ACAA2: variants seen among roughly 807,000 people sequenced by gnomAD.
The protein encoded by ACAA2 is 3-ketoacyl-CoA thiolase, mitochondrial.
Under a neutral mutation model 44.8 loss-of-function variants are expected in ACAA2, and 35 were observed. The observed-to-expected ratio is 0.78, with a 90% CI of 0.60 to 1.04. ACAA2 has a LOEUF of 1.04. Ranked by LOEUF, ACAA2 falls within the 50% of genes least tolerant of loss-of-function variation. The pLI is 0.00. For missense variants in ACAA2, 468 were observed against 482.6 expected (o/e 0.97, Z 0.28); for synonymous variants, 142 against 166.5 (o/e 0.85, Z 1.13).
rs767780075 is a variant in ACAA2, at chr18:49,813,498, T to TC, written c.-15dup. 1.1e-5 allele frequency: 14 copies of TC among 1,240,644 alleles called. No homozygotes were observed. In the South Asian group the frequency reaches 4.5e-4, roughly 40 times the overall value. The allele number at this position is 1,240,644 out of a possible 1,614,324, so 76.9% of individuals were successfully genotyped here. A position where few individuals can be genotyped will look rare whatever the true frequency, so the allele number is the denominator to read the frequency against. On this transcript the variant is annotated 5_prime_UTR_variant, in exon 1 of 10. Coordinates refer to ENST00000285093, the MANE Select transcript of ACAA2 (RefSeq NM_006111.3). ...GAGCAGAGCCATGGCGGCTGCTGGGTCGTCGGCGGCGCGGGTCTGTGGTGT... is the reference window on the plus strand; with the variant it reads ...GAGCAGAGCCATGGCGGCTGCTGGGTCCGTCGGCGGCGCGGGTCTGTGGTGT...
At chr18:49,784,189 T>C (rs571970718) in intron 9 of ACAA2, among the ~76,000 whole-genome samples, 4 of 151,682 alleles carry the variant, frequency 2.6e-5, no homozygotes, top group South Asian at 2.1e-4. Flanking sequence ...GATGAGTGGA[T>C]TTAGGGTTAT....
intron 7 of ACAA2, among the ~76,000 whole-genome samples, chr18:49,788,250 C>T (rs1292724372): frequency 6.6e-6 from 1 of 152,248 alleles, no homozygotes; most frequent in Middle Eastern, 3.4e-3. Context: ...AAGAATGAAA[C>T]TGCCAAAAAT....
chr18:49,792,246 T>C lies in ACAA2; in HGVS notation c.659A>G (p.Asp220Gly). The C allele has an allele frequency of 6.2e-7, 1 of 1,613,908 alleles. No individual in the cohort carries two copies. The highest frequency in any genetic ancestry group is 8.5e-7 in the Non-Finnish European group (1 of 1,179,824). ...GGTGGTTTGGGGCCGAGCATGCTCG[T>C]CTACCTGCATTGTCTGTTTTCCTTT... Reference protein sequence around the residue: ...TKKGKQTMQVDEHARPQTTLE... With the variant: ...TKKGKQTMQVGEHARPQTTLE... The change falls in exon 6 of 10, where the codon GAC (aspartate) becomes GGC (glycine). Residue 220 changes from aspartate (D) to glycine (G), a missense_variant. By Grantham distance (94) the Asp-to-Gly change is moderately conservative. Coordinates refer to ENST00000285093, the MANE Select transcript of ACAA2 (RefSeq NM_006111.3).
rs2023295837 is a variant in ACAA2, at chr18:49,783,929, C to A, written c.1112G>T (p.Arg371Leu). 6.2e-7 allele frequency: 1 copy of A among 1,613,826 alleles called. No individual in the cohort carries two copies. ...ITAHLVHELR[R>L]RGGKYAVGSA... ...TCCAACGGCATATTTTCCACCTCGACGCCTGAAAAAGAAAGCAGTGACTGA... is the reference window on the plus strand; with the variant it reads ...TCCAACGGCATATTTTCCACCTCGAAGCCTGAAAAAGAAAGCAGTGACTGA... Residue 371 changes from arginine (R) to leucine (L), a missense_variant and splice_region_variant, in exon 10 of 10, where the codon CGT (arginine) becomes CTT (leucine). Physicochemically the swap from Arg to Leu is moderately radical, Grantham distance 102 (BLOSUM62 -2). Transcript: ENST00000285093.
chr18:49,796,530 AAATG>A (rs1416503450), intron 3 of ACAA2, among the ~76,000 whole-genome samples: 1 of 152,224 alleles, frequency 6.6e-6, no homozygotes, highest in African/African-American at 2.4e-5. Context: ...GTTTGTAATA[AAATG>A]AAGACTTTTA....
intron 4 of ACAA2, 23 bp from the exon 5 acceptor site, chr18:49,794,450 T>A (rs1212132525): frequency 2.0e-6 from 3 of 1,524,102 alleles, no homozygotes; most frequent in Middle Eastern, 4.0e-4. Context: ...ATTAATAAAG[T>A]GACTTGTTAA....
intron 2 of ACAA2, among the ~76,000 whole-genome samples, chr18:49,800,334 C>T (rs1198450008): frequency 1.2e-4 from 18 of 151,584 alleles, no homozygotes; most frequent in Non-Finnish European, 2.4e-4. Flanking sequence ...CGCCTCTGCC[C>T]GGCTGCCCCT....
intron 6 of ACAA2, 41 bp downstream of exon 6, chr18:49,792,111 C>A: frequency 6.4e-7 from 1 of 1,555,500 alleles, no homozygotes; most frequent in South Asian, 1.2e-5. Context: ...TTGTTGAACA[C>A]ACCAGGAAGA....
At chr18:49,788,056 A>AAAAC (rs1450932743) in intron 7 of ACAA2, among the ~76,000 whole-genome samples, 1 of 152,242 alleles carries the variant, frequency 6.6e-6, no homozygotes, top group Non-Finnish European at 1.5e-5. Context: ...AAATTTAAAT[A>AAAAC]AAACATAACT....
At chr18:49,789,836 T>G (rs1476113850) in intron 7 of ACAA2, among the ~76,000 whole-genome samples, 7 of 151,960 alleles carry the variant, frequency 4.6e-5, no homozygotes, top group African/African-American at 1.7e-4. Flanking sequence ...ATACAAAAAT[T>G]AGCCAGGCGT....
intron 1 of ACAA2, 63 bp downstream of exon 1, chr18:49,813,406 A>AGGCCT: frequency 2.5e-6 from 3 of 1,189,988 alleles, no homozygotes; most frequent in Non-Finnish European, 3.2e-6. Flanking sequence ...CCGGAAGCGG[A>AGGCCT]GGCCTGGCCT....
intron 1 of ACAA2, among the ~76,000 whole-genome samples, chr18:49,803,908 CT>C (rs5824806): frequency 0.52 from 61,644 of 117,680 alleles, 13,908 homozygotes; most frequent in Middle Eastern, 0.67. Context: ...AATGATATTG[CT>C]TTTTTTTTTT....
chr18:49,787,279 A>G lies in ACAA2; in HGVS notation c.954+12T>C. 6.8e-7 allele frequency: 1 copy of G among 1,466,114 alleles called. No homozygotes were observed. Among genetic ancestry groups the G allele is most frequent in the Non-Finnish European group, 9.0e-7 (1 of 1,116,452 alleles). The allele number at this position is 1,466,114 out of a possible 1,614,324, so 90.8% of individuals were successfully genotyped here. On this transcript the variant is annotated intron_variant, in intron 8 of 9. Transcript: ENST00000285093. ...TGTTGTTAAAAAAAAAAAAAAAAAA[A>G]AAAACACTTACCTCTACCAAATCCA...
rs150438353 is a variant in ACAA2, at chr18:49,792,209, T to C, written c.696A>G (p.Leu232=). ...TCTTGAATACTGGAGGAAGTTTCTGTAACTGTTCCAGGGTGGTTTGGGGCC... is the reference window on the plus strand; with the variant it reads ...TCTTGAATACTGGAGGAAGTTTCTGCAACTGTTCCAGGGTGGTTTGGGGCC... The part of the protein sequence containing the change: ...HARPQTTLEQ[L]QKLPPVFKKD... Residue 232 remains leucine (L), a synonymous_variant, in exon 6 of 10, where the codon TTA becomes TTG. Coordinates refer to ENST00000285093, the MANE Select transcript of ACAA2 (RefSeq NM_006111.3). The C allele has an allele frequency of 1.5e-5, 24 of 1,614,076 alleles. No homozygotes were observed. The African/African-American group carries it at 3.2e-4, about 22-fold the overall frequency.
At chr18:49,809,706 G>A (rs1016809455) in intron 1 of ACAA2, among the ~76,000 whole-genome samples, 1 of 152,228 alleles carries the variant, frequency 6.6e-6, no homozygotes, top group Non-Finnish European at 1.5e-5. Context: ...ATCAGTGCTT[G>A]CCAGGGGTTC....
rs2023409543 is a variant in ACAA2 at position 49,792,162 on chromosome 18, C to T, written c.743G>A (p.Gly248Glu). ...VFKKDGTVTAGNASGVADGAG... is the reference protein window; with the variant it reads ...VFKKDGTVTAENASGVADGAG... ...TGTGGTGATACCAACCGATGCATTC[C>T]CTGCAGTAACAGTTCCATCTTTCTT... The change falls in exon 6 of 10, where the codon GGG becomes GAG. Residue 248 changes from glycine to glutamate, a missense_variant. Coordinates refer to ENST00000285093, the MANE Select transcript of ACAA2 (RefSeq NM_006111.3). 1.2e-6 allele frequency: 2 copies of T among 1,613,170 alleles called. No individual in the cohort carries two copies. The highest frequency in any genetic ancestry group is 8.5e-7 in the Non-Finnish European group (1 of 1,179,420).
At position 49,795,764 on chromosome 18, in the gene ACAA2, C is replaced by A. The variant is rs1482580874; in HGVS notation, c.429+1G>T. Reference sequence around the variant, plus strand: ...TTCTTTTAAATTTTTATGGTTCCAACCTTGATATCTGATCCAAGCTTGGTT... The same window carrying A: ...TTCTTTTAAATTTTTATGGTTCCAAACTTGATATCTGATCCAAGCTTGGTT... On this transcript the variant is annotated splice_donor_variant, in intron 4 of 9. Coordinates refer to ENST00000285093, the MANE Select transcript of ACAA2 (RefSeq NM_006111.3). LOFTEE classifies it high-confidence loss of function. 6.3e-7 allele frequency: 1 copy of A among 1,579,644 alleles called. No individual in the cohort carries two copies. The highest frequency in any genetic ancestry group is 8.6e-7 in the Non-Finnish European group (1 of 1,158,610).
intron 1 of ACAA2, among the ~76,000 whole-genome samples, chr18:49,807,257 T>C (rs879699803): frequency 1.4e-4 from 21 of 152,148 alleles, no homozygotes; most frequent in African/African-American, 4.8e-4. Flanking sequence ...TAGTTGGGCA[T>C]AGTGGCATGT....
intron 2 of ACAA2, among the ~76,000 whole-genome samples, chr18:49,799,366 C>T (rs571078951): frequency 1.1e-4 from 17 of 152,136 alleles, no homozygotes; most frequent in African/African-American, 3.4e-4. Context: ...AGGCACGCGC[C>T]GCCACGCCTG....
Sources: allele counts gnomAD v4.1 joint callset (sites outside exome capture counted in the v4.1 genomes callset), GRCh38; gene constraint gnomAD v4.1.1; transcripts MANE v1.5; gene names NCBI Gene and HGNC (gene_info 2026-07-23, HGNC 2026-07-21).